The following IKBKB variants were observed in gnomAD, a reference collection of about 807,000 sequenced individuals.
IKBKB encodes inhibitor of nuclear factor kappa B kinase subunit beta.
In IKBKB, 42 loss-of-function variants were observed where a neutral mutation model predicts 113.6. The observed-to-expected ratio is 0.37, with a 90% CI of 0.29 to 0.48. The LOEUF is 0.48. IKBKB is among the 20% of genes least tolerant of loss of function. The probability of loss-of-function intolerance (pLI) is 0.99; values close to 1 mark genes in which losing one functional copy is unlikely to be tolerated. For synonymous variants in IKBKB, 296 were observed against 361.3 expected, an observed-to-expected ratio of 0.82 and a Z score of 2.05; for missense variants, 673 against 939.7, an observed-to-expected ratio of 0.72 and a Z score of 3.71.
chr8:42,284,581 C>CA (rs1167704705), intron 2 of IKBKB, among the ~76,000 whole-genome samples: 1,539 of 94,094 alleles, frequency 0.016, 22 homozygotes, highest in African/African-American at 0.048. Flanking sequence ...GACTCCGTCT[C>CA]AAAAAAAAAA....
At chr8:42,330,885 G>T (rs748556726) in intron 21 of IKBKB, 29 bp from the exon 22 acceptor site, 3 of 1,614,122 alleles carry the variant, frequency 1.9e-6, no homozygotes, top group Non-Finnish European at 2.5e-6. Context: ...GGTGGCTGTT[G>T]TTTTTTTAAC....
intron 4 of IKBKB, among the ~76,000 whole-genome samples, chr8:42,290,699 G>A (rs573175091): frequency 2.6e-5 from 4 of 152,250 alleles, no homozygotes; most frequent in South Asian, 2.1e-4. Flanking sequence ...CACCACACAC[G>A]GGGGCAGGGA....
chr8:42,285,980 A>G (rs1811348211), intron 2 of IKBKB, among the ~76,000 whole-genome samples: 1 of 152,164 alleles, frequency 6.6e-6, no homozygotes, highest in Admixed American at 6.5e-5. Context: ...CATGTTCTAA[A>G]GTGTGCCGTG....
chr8:42,317,879 A>G (rs1585769934), intron 12 of IKBKB, 108 bp downstream of exon 12: 2 of 783,144 alleles, frequency 2.6e-6, no homozygotes, highest in East Asian at 5.2e-5. Context: ...AAAGGAAATT[A>G]ATATCGCCAG....
intron 8 of IKBKB, among the ~76,000 whole-genome samples, chr8:42,312,683 T>C (rs1018146175): frequency 6.6e-6 from 1 of 152,190 alleles, no homozygotes; most frequent in Non-Finnish European, 1.5e-5. Context: ...ATTCCACACT[T>C]ACATAATTAG....
At chr8:42,297,931 G>C (rs1300263018) in intron 5 of IKBKB, 1 of 181,242 alleles carries the variant, frequency 5.5e-6, no homozygotes, top group South Asian at 1.9e-4. Context: ...GCTGCCTGGC[G>C]GGCACAGAGG....
intron 2 of IKBKB, among the ~76,000 whole-genome samples, chr8:42,277,171 G>A (rs756048654): frequency 4.1e-5 from 6 of 146,728 alleles, no homozygotes; most frequent in South Asian, 2.1e-4. Context: ...ACCCGGCCAC[G>A]TGTGGCTAAT....
chr8:42,288,552 T>G, intron 2 of IKBKB, 82 bp from the exon 3 acceptor site: 2 of 1,070,024 alleles, frequency 1.9e-6, no homozygotes, highest in Non-Finnish European at 2.7e-6. Flanking sequence ...GCTTGGGGCC[T>G]GGAGACCCCT....
Position 42,330,900 on chromosome 8 carries a change from C to A in IKBKB, c.2206-14C>A. 1 of 1,614,150 alleles carries A rather than the reference C, an allele frequency of 6.2e-7. No individual in the cohort carries two copies. The highest frequency in any genetic ancestry group is 8.5e-7 in the Non-Finnish European group (1 of 1,180,016). ...GGTGGCTGTTGTTTTTTTAACATGTCTGTTGACTTTCAGGCCCTAGACTGG... is the reference window on the plus strand; with the variant it reads ...GGTGGCTGTTGTTTTTTTAACATGTATGTTGACTTTCAGGCCCTAGACTGG... On this transcript the variant is annotated splice_polypyrimidine_tract_variant and intron_variant, in intron 21 of 21. Transcript: ENST00000520810.
intron 2 of IKBKB, among the ~76,000 whole-genome samples, chr8:42,276,226 C>T (rs1049000173): frequency 2.0e-5 from 3 of 152,132 alleles, no homozygotes; most frequent in African/African-American, 7.2e-5. Context: ...TATAGAGTTC[C>T]GCTTTCTCCA....
chr8:42,317,015 A>G (rs1343897521), intron 11 of IKBKB, 111 bp downstream of exon 11: 1 of 1,042,784 alleles, frequency 9.6e-7, no homozygotes, highest in Admixed American at 2.0e-5. Context: ...TGTTAATCAC[A>G]CAGTGCGGAT....
At chr8:42,313,989 C>T in intron 8 of IKBKB, 1 of 234,328 alleles carries the variant, frequency 4.3e-6, no homozygotes. Flanking sequence ...ATTGACATCC[C>T]AGTCAACAAT....
In IKBKB at chr8:42,271,487, G is replaced by A. The variant is rs572351514; in HGVS notation, c.-19+18G>A. 158 of 1,039,730 alleles carry A rather than the reference G, an allele frequency of 1.5e-4. 1 individual carries two copies. In the East Asian group the frequency reaches 4.2e-3, roughly 27 times the overall value. 64.4% of individuals were successfully genotyped at this position (1,039,730 alleles called of 1,614,324 possible). A position where few individuals can be genotyped will look rare whatever the true frequency, so the allele number is the denominator to read the frequency against. ...GCCGACAGGTGAGTCCCCCTCGTGG[G>A]TGCGGCCCGGGTGCCACCTGCAGGC... On this transcript the variant is annotated intron_variant, in intron 1 of 21. Coordinates refer to ENST00000520810, the MANE Select transcript of IKBKB (RefSeq NM_001556.3).
intron 14 of IKBKB, 23 bp downstream of exon 14, chr8:42,319,444 G>C (rs1490323034): frequency 6.2e-7 from 1 of 1,613,458 alleles, no homozygotes; most frequent in Non-Finnish European, 8.5e-7. Flanking sequence ...TTTGCAATGA[G>C]TTTAAAGACA....
At chr8:42,329,628 G>A (rs1318619041) in intron 21 of IKBKB, 1 of 984,690 alleles carries the variant, frequency 1.0e-6, no homozygotes, top group African/African-American at 1.7e-5. Context: ...TAATTCCGAT[G>A]ATGAGGAAGA....
chr8:42,288,841 T>G (rs1811974214), intron 3 of IKBKB, 113 bp downstream of exon 3: 5 of 758,588 alleles, frequency 6.6e-6, no homozygotes, highest in Admixed American at 4.8e-5. Context: ...CCTAGCACTT[T>G]GGAAGGCCAA....
chr8:42,282,045 A>G (rs1396658119), intron 2 of IKBKB, among the ~76,000 whole-genome samples: 1 of 152,194 alleles, frequency 6.6e-6, no homozygotes, highest in African/African-American at 2.4e-5. Flanking sequence ...ACATGCTTAT[A>G]TATAAGTTTT....
rs1563354110 is a variant in IKBKB at position 42,316,934 on chromosome 8, GTT to G, written c.1125+32_1125+33del. ...GCCCTGGCTTCGTACACACCATCCT[GTT>G]TACCTTGGCTGTGCCTCCTGGGAAA... On this transcript the variant is annotated intron_variant, in intron 11 of 21. Coordinates refer to ENST00000520810, the MANE Select transcript of IKBKB (RefSeq NM_001556.3). The surrounding 1 kb of genome is among the most constrained non-coding windows in gnomAD (Gnocchi z 4.5). The G allele has an allele frequency of 6.2e-7, 1 of 1,600,672 alleles. No individual in the cohort carries two copies. The highest frequency in any genetic ancestry group is 2.2e-5 in the East Asian group (1 of 44,700).
intron 5 of IKBKB, among the ~76,000 whole-genome samples, chr8:42,296,955 C>T (rs1276715904): frequency 6.6e-6 from 1 of 152,212 alleles, no homozygotes. Flanking sequence ...TAGTTCCTTG[C>T]TCATTTCCTT....
Sources: gnomAD v4.1 joint callset for allele counts (sites outside exome capture counted in the v4.1 genomes callset) on GRCh38, gnomAD v4.1.1 for gene constraint, Gnocchi (gnomAD v3.1) non-coding constraint, MANE v1.5 for transcripts, NCBI Gene and HGNC (gene_info 2026-07-23, HGNC 2026-07-21) for gene names.